Variants in SUPT6H observed in about 807,000 individuals in gnomAD.
SUPT6H encodes the protein SPT6 homolog, histone chaperone and transcription elongation factor.
A neutral mutation model predicts 222.3 loss-of-function variants in SUPT6H; 11 were observed. The ratio of observed to expected loss-of-function variants is 0.05; its 90% CI spans 0.03 to 0.08. SUPT6H has a LOEUF of 0.08. Among genes scored for constraint, SUPT6H ranks in the 10% least tolerant of loss-of-function variants. The pLI is 1.00. For missense variants in SUPT6H, 1,422 were observed against 2,216.0 expected (o/e 0.64, Z 7.19); for synonymous variants, 762 against 801.2 (o/e 0.95, Z 0.83).
At chr17:28,689,220 T>C in intron 24 of SUPT6H, 134 bp from the exon 25 acceptor site, 2 of 733,988 alleles carry the variant, frequency 2.7e-6, no homozygotes, top group South Asian at 3.6e-5. Flanking sequence ...ACCTCATTCT[T>C]GTTAATGGCT....
At chr17:28,667,483 G>A (rs1318889559) in intron 1 of SUPT6H, among the ~76,000 whole-genome samples, 1 of 136,282 alleles carries the variant, frequency 7.3e-6, no homozygotes, top group African/African-American at 2.8e-5. Context: ...ATATATGTGT[G>A]TGTATATATG....
chr17:28,674,944 G>C (rs1243841122), intron 4 of SUPT6H, 26 bp from the exon 5 acceptor site: 2 of 1,609,924 alleles, frequency 1.2e-6, no homozygotes, highest in Non-Finnish European at 1.7e-6. Context: ...CTCAGATCCT[G>C]ATAAGGCAGG....
At chr17:28,686,515 G>A in intron 20 of SUPT6H, 100 bp downstream of exon 20, 1 of 1,530,978 alleles carries the variant, frequency 6.5e-7, no homozygotes, top group Non-Finnish European at 8.9e-7. Flanking sequence ...GCTTGTGCTT[G>A]TGCAGGGAGT....
At chr17:28,674,767 C>G in intron 4 of SUPT6H, 154 bp downstream of exon 4, 1 of 897,836 alleles carries the variant, frequency 1.1e-6, no homozygotes, top group Non-Finnish European at 1.7e-6. Flanking sequence ...AGATTTGCAT[C>G]CCAGATCTGG....
At chr17:28,667,209 C>A (rs376438453) in intron 1 of SUPT6H, among the ~76,000 whole-genome samples, 22 of 132,324 alleles carry the variant, frequency 1.7e-4, no homozygotes, top group Admixed American at 5.5e-4. Context: ...ACTAAAAATA[C>A]AAAAAAAAAA....
At chr17:28,700,701 C>T (rs942413737) in intron 35 of SUPT6H, 189 bp downstream of exon 35, 12 of 973,528 alleles carry the variant, frequency 1.2e-5, no homozygotes, top group South Asian at 3.4e-5. Context: ...AACCTTTCCA[C>T]GGGCCTTTGG....
At chr17:28,684,325 C>G (rs2031273501) in intron 17 of SUPT6H, among the ~76,000 whole-genome samples, 1 of 152,212 alleles carries the variant, frequency 6.6e-6, no homozygotes, top group African/African-American at 2.4e-5. Flanking sequence ...TAAGACCTCT[C>G]TGCTCCAGGA....
Position 28,675,015 on chromosome 17 carries a change from G to C in SUPT6H, c.391G>C (p.Asp131His), listed in dbSNP as rs1397511698. The change falls in exon 5 of 37, where the codon GAC (aspartate) becomes CAC (histidine). Residue 131 changes from aspartate to histidine, a missense_variant. By Grantham distance (81) the Asp-to-His change is moderately conservative. This residue lies in a region of SUPT6H where 389 missense variants were observed against 544.6 expected (regional missense o/e 0.71). Coordinates refer to ENST00000314616, the MANE Select transcript of SUPT6H (RefSeq NM_003170.5). ...AAAAATGTCAGATGACGAGGACGAT[G>C]ACGAGGAGGAATATGGCAAGGAGGA... is the stretch of plus-strand genomic sequence containing the variant. ...VKKMSDDEDD[D>H]EEEYGKEEHE... 1 of 1,614,160 alleles carries C rather than the reference G, an allele frequency of 6.2e-7. No homozygotes were observed. The highest frequency in any genetic ancestry group is 1.7e-5 in the Admixed American group (1 of 60,022).
intron 7 of SUPT6H, among the ~76,000 whole-genome samples, chr17:28,676,968 C>T (rs2030785692): frequency 6.6e-6 from 1 of 152,088 alleles, no homozygotes; most frequent in Non-Finnish European, 1.5e-5. Context: ...GTGGTTCACA[C>T]CTGTAATCCC....
Position 28,687,245 on chromosome 17 carries a change from C to T in SUPT6H, c.2838+20C>T. ...TTGCAGGTGAGTAGGATTTGACAGG[C>T]AGGCTCGGGTGAAGGGAAAGGCAGA... On this transcript the variant is annotated intron_variant, in intron 22 of 36. Transcript: ENST00000314616. The T allele has an allele frequency of 6.2e-7, 1 of 1,614,182 alleles. No individual in the cohort carries two copies. Among genetic ancestry groups the T allele is most frequent in the Non-Finnish European group, 8.5e-7 (1 of 1,180,032 alleles).
At chr17:28,679,224 T>C (rs954347023) in intron 11 of SUPT6H, among the ~76,000 whole-genome samples, 17 of 152,090 alleles carry the variant, frequency 1.1e-4, no homozygotes, top group African/African-American at 4.1e-4. Context: ...ATACAAAAAA[T>C]TAGCTGGGAG....
At chr17:28,699,155 TG>T (rs1317008408) in intron 32 of SUPT6H, among the ~76,000 whole-genome samples, 1 of 152,216 alleles carries the variant, frequency 6.6e-6, no homozygotes, top group Non-Finnish European at 1.5e-5. Context: ...CTTTAGGCAT[TG>T]TGGAACGTGC....
Position 28,676,449 on chromosome 17 carries a change from C to G in SUPT6H, c.897+19C>G. 2 of 1,612,774 alleles carry G rather than the reference C, an allele frequency of 1.2e-6. No individual in the cohort carries two copies. The highest frequency in any genetic ancestry group is 1.7e-6 in the Non-Finnish European group (2 of 1,179,962). ...GTTCCAGGTAAAAAACCACCAGCCT[C>G]TGCTCTTCTACCAATCCATAATTAC... On this transcript the variant is annotated intron_variant, in intron 7 of 36. Transcript: ENST00000314616.
In SUPT6H at chr17:28,681,317, T is replaced by C. The variant is rs2031090227; in HGVS notation, c.1411T>C (p.Tyr471His). The C allele has an allele frequency of 1.2e-6, 2 of 1,614,008 alleles. No homozygotes were observed. Among genetic ancestry groups the C allele is most frequent in the African/African-American group, 1.3e-5 (1 of 75,008 alleles). The change falls in exon 12 of 37, where the codon TAT becomes CAT. Residue 471 changes from tyrosine to histidine, a missense_variant. By Grantham distance (83) the Tyr-to-His change is moderately conservative. Transcript: ENST00000314616. The stretch of plus-strand genomic sequence containing the variant: ...TGTCTACAACCATTTTCTTCTTTAT[T>C]ATGGCCGAGACATCCCTAAGATGCA... Reference protein sequence around the residue: ...KDVYNHFLLYYGRDIPKMQNA... With the variant: ...KDVYNHFLLYHGRDIPKMQNA...
At chr17:28,664,151 T>TC (rs951881262) in intron 1 of SUPT6H, among the ~76,000 whole-genome samples, 4 of 152,282 alleles carry the variant, frequency 2.6e-5, no homozygotes, top group Admixed American at 2.0e-4. Flanking sequence ...TTGGATTTTC[T>TC]CCATTTCTCC....
intron 1 of SUPT6H, among the ~76,000 whole-genome samples, chr17:28,672,225 A>G (rs2030462154): frequency 6.6e-6 from 1 of 152,234 alleles, no homozygotes; most frequent in South Asian, 2.1e-4. Flanking sequence ...ATTGTTTCCA[A>G]GCCTCCTAGA....
chr17:28,682,186 C>T (rs2031149758), intron 13 of SUPT6H: 1 of 487,512 alleles, frequency 2.1e-6, no homozygotes, highest in African/African-American at 1.9e-5. Flanking sequence ...TCCCTAATTT[C>T]CTGAGATAAT....
At chr17:28,689,650 G>A (rs1342777132) in intron 25 of SUPT6H, 89 bp downstream of exon 25, 21 of 1,228,228 alleles carry the variant, frequency 1.7e-5, no homozygotes, top group Non-Finnish European at 2.2e-5. Context: ...TGCAGAGAAA[G>A]CCTGATACTG....
chr17:28,687,610 A>T (rs75328175), intron 23 of SUPT6H, 139 bp downstream of exon 23: 1 of 989,386 alleles, frequency 1.0e-6, no homozygotes, highest in African/African-American at 1.6e-5. Flanking sequence ...GTGAGAGTCA[A>T]AAGAGTCTGA....
Sources: gnomAD v4.1 joint callset for allele counts (sites outside exome capture counted in the v4.1 genomes callset) on GRCh38, gnomAD v4.1.1 for gene constraint, gnomAD v4.1.1 regional missense constraint, MANE v1.5 for transcripts, NCBI Gene and HGNC (gene_info 2026-07-23, HGNC 2026-07-21) for gene names.